KYNU: variants seen among roughly 807,000 people sequenced by gnomAD.
KYNU encodes kynureninase.
KYNU carries 54 observed loss-of-function variants against 59.2 expected under a neutral mutation model. That is an observed-to-expected ratio of 0.91 (90% CI 0.73 to 1.14). The LOEUF (loss-of-function observed/expected upper bound fraction) is 1.14. Ranked by LOEUF, KYNU falls within the 50% of genes most tolerant of loss-of-function variation. KYNU has a pLI of 0.00. For missense variants in KYNU, 567 were observed against 554.4 expected, an observed-to-expected ratio of 1.02 and a Z score of -0.23; for synonymous variants, 177 against 192.0, an observed-to-expected ratio of 0.92 and a Z score of 0.65.
chr2:142,980,786 AT>A (rs772392530), intron 8 of KYNU, among the ~76,000 whole-genome samples: 1 of 152,116 alleles, frequency 6.6e-6, no homozygotes, highest in Non-Finnish European at 1.5e-5. Flanking sequence ...CCTGTGGGTA[AT>A]TTTAAATAAA....
chr2:142,954,988 T>A, intron 5 of KYNU, 117 bp downstream of exon 5: 2 of 698,828 alleles, frequency 2.9e-6, no homozygotes, highest in Non-Finnish European at 5.1e-6. Context: ...ATTGTGAGGT[T>A]ATTTTCATTT....
intron 4 of KYNU, chr2:142,947,298 C>A: frequency 7.2e-7 from 1 of 1,396,202 alleles, no homozygotes. Flanking sequence ...CTCACCACTA[C>A]ACACCTGTGT....
At chr2:142,895,530 A>G (rs528857034) in intron 2 of KYNU, among the ~76,000 whole-genome samples, 1 of 152,280 alleles carries the variant, frequency 6.6e-6, no homozygotes, top group South Asian at 2.1e-4. Flanking sequence ...TTGTCCACTA[A>G]AGGCCATTTG....
chr2:142,977,008 G>C (rs1684903966), intron 8 of KYNU, among the ~76,000 whole-genome samples: 1 of 152,108 alleles, frequency 6.6e-6, no homozygotes, highest in Admixed American at 6.6e-5. Flanking sequence ...GGACACCAAG[G>C]TTTTATCACG....
rs529030430 is a variant in KYNU at position 142,925,427 on chromosome 2, C to T, written c.291-2232C>T. ...GTTAGTTTAAAAATTGTGTTCTACA[C>T]CACATGCTGATGAAGGTAGTTTTAG... is the stretch of plus-strand genomic sequence containing the variant. On this transcript the variant is annotated intron_variant, in intron 3 of 13. Transcript: ENST00000264170. Among the ~76,000 whole-genome samples the T allele has an allele frequency of 3.5e-4, 54 of 152,172 alleles. 1 individual carries two copies. Among genetic ancestry groups the T allele is most frequent in the South Asian group, 2.9e-3 (14 of 4,820 alleles).
intron 8 of KYNU, among the ~76,000 whole-genome samples, chr2:142,976,461 A>G (rs961472293): frequency 1.3e-5 from 2 of 150,898 alleles, no homozygotes; most frequent in South Asian, 4.2e-4. Context: ...CTGTTTGTAT[A>G]TATTGACACA....
At position 143,055,698 on chromosome 2, in the gene KYNU, A is replaced by G. The variant is rs1687343459; in HGVS notation, c.*13526A>G. On this transcript the variant is annotated 3_prime_UTR_variant, in exon 14 of 14. Transcript: ENST00000264170. ...AGGAAGGAAGGAAAGGGAGGAGAGGAGAGGAGAGGTAGGAGGGAAGAAGAA... is the reference window on the plus strand; with the variant it reads ...AGGAAGGAAGGAAAGGGAGGAGAGGGGAGGAGAGGTAGGAGGGAAGAAGAA... 1 of 151,994 alleles carries G rather than the reference A, an allele frequency of 6.6e-6. No individual in the cohort carries two copies. The highest frequency in any genetic ancestry group is 1.5e-5 in the Non-Finnish European group (1 of 67,984). 9.4% of individuals were successfully genotyped at this position (151,994 alleles called of 1,614,324 possible).
chr2:142,935,985 T>G (rs1309491438), intron 4 of KYNU, among the ~76,000 whole-genome samples: 1 of 152,048 alleles, frequency 6.6e-6, no homozygotes, highest in East Asian at 1.9e-4. Context: ...GGGAAGGTGG[T>G]GGCTGAGAAG....
intron 8 of KYNU, among the ~76,000 whole-genome samples, chr2:142,977,533 A>G (rs190291821): frequency 3.1e-4 from 47 of 152,022 alleles, no homozygotes; most frequent in African/African-American, 1.1e-3. Flanking sequence ...ACTAAATTTC[A>G]CTGAAGCTCC....
intron 10 of KYNU, among the ~76,000 whole-genome samples, chr2:142,997,886 A>G (rs78655258): frequency 0.037 from 5,559 of 152,238 alleles, 136 homozygotes; most frequent in Non-Finnish European, 0.051. Context: ...ATTTCATTTC[A>G]TAACTCCTCA....
At chr2:142,947,422 C>T in intron 4 of KYNU, 1 of 553,994 alleles carries the variant, frequency 1.8e-6, no homozygotes, top group Non-Finnish European at 3.1e-6. Context: ...ATGTCCCAAA[C>T]AGCGCTTCCC....
chr2:143,026,874 G>T (rs763139623), intron 10 of KYNU, among the ~76,000 whole-genome samples: 1 of 152,182 alleles, frequency 6.6e-6, no homozygotes, highest in South Asian at 2.1e-4. Flanking sequence ...TCGAAGTTAC[G>T]AAGTTACGCC....
At chr2:142,954,671 A>T (rs1394749754) in intron 4 of KYNU, 139 bp from the exon 5 acceptor site, 8 of 607,580 alleles carry the variant, frequency 1.3e-5, no homozygotes, top group Admixed American at 2.7e-5. Flanking sequence ...GAAAACTTCC[A>T]TTTCTTTGTG....
intron 7 of KYNU, among the ~76,000 whole-genome samples, chr2:142,959,779 C>T (rs1684280112): frequency 6.6e-6 from 1 of 152,032 alleles, no homozygotes; most frequent in African/African-American, 2.4e-5. Context: ...CTATTATAGT[C>T]AGTTTTATTG....
At chr2:142,923,537 G>A (rs76174997) in intron 3 of KYNU, among the ~76,000 whole-genome samples, 1,544 of 152,136 alleles carry the variant, frequency 0.01, 21 homozygotes, top group African/African-American at 0.036. Flanking sequence ...GAAGTATTTG[G>A]GAATAATAGT....
intron 7 of KYNU, 37 bp downstream of exon 7, chr2:142,957,752 T>C (rs763106317): frequency 7.7e-7 from 1 of 1,294,008 alleles, no homozygotes; most frequent in South Asian, 1.2e-5. Context: ...TCATGCTTTG[T>C]TTAGTATTGA....
chr2:142,881,349 A>G (rs1327327213), intron 1 of KYNU: 1 of 152,256 alleles, frequency 6.6e-6, no homozygotes, highest in African/African-American at 2.4e-5. Flanking sequence ...GTCTAGGAAT[A>G]TAAAGAATGG....
At chr2:142,960,154 C>T (rs1014658870) in intron 7 of KYNU, among the ~76,000 whole-genome samples, 6 of 152,236 alleles carry the variant, frequency 3.9e-5, no homozygotes, top group Non-Finnish European at 8.8e-5. Context: ...CCCAAAGTGC[C>T]AGGATTACAG....
At chr2:142,926,659 T>C (rs1341148350) in intron 3 of KYNU, among the ~76,000 whole-genome samples, 2 of 152,194 alleles carry the variant, frequency 1.3e-5, no homozygotes, top group African/African-American at 4.8e-5. Context: ...AATGAAGCTA[T>C]AGCTCCTCCC....
Sources: gnomAD v4.1 joint callset for allele counts (sites outside exome capture counted in the v4.1 genomes callset) on GRCh38, gnomAD v4.1.1 for gene constraint, MANE v1.5 for transcripts, NCBI Gene and HGNC (gene_info 2026-07-23, HGNC 2026-07-21) for gene names.